The following DOCK10 variants were observed in gnomAD, a reference collection of about 807,000 sequenced individuals.
The protein encoded by DOCK10 is dedicator of cytokinesis protein 10.
Under a neutral mutation model 280.1 loss-of-function variants are expected in DOCK10, and 145 were observed. The observed-to-expected ratio is 0.52, with a 90% CI of 0.45 to 0.59. DOCK10 has a LOEUF of 0.59. Ranked by LOEUF, DOCK10 falls within the 20% of genes least tolerant of loss-of-function variation. The pLI is 0.00. For missense variants in DOCK10, 2,368 were observed against 2,651.7 expected, an observed-to-expected ratio of 0.89 and a Z score of 2.35; for synonymous variants, 915 against 942.2, an observed-to-expected ratio of 0.97 and a Z score of 0.53.
At position 225,035,588 on chromosome 2, in the gene DOCK10, AACACTGAATCAGTGTTAATTGTGTGTTG is replaced by A. The variant is rs1559987156; in HGVS notation, c.123+6636_123+6663del. Among the ~76,000 whole-genome samples, 282 of 112,898 alleles carry A rather than the reference AACACTGAATCAGTGTTAATTGTGTGTTG, an allele frequency of 2.5e-3. 3 individuals are homozygous for A. The highest frequency in any genetic ancestry group is 0.011 in the African/African-American group (264 of 24,748). The allele number at this position is 112,898 out of a possible 152,430, so 74.1% of individuals were successfully genotyped here. ...TATATATATATATATATATATATAT[AACACTGAATCAGTGTTAATTGTGTGTTG>A]TATTAGTCAGTGCGGGCTGCCATAA... On this transcript the variant is annotated intron_variant, in intron 1 of 55. Coordinates refer to ENST00000258390, the MANE Select transcript of DOCK10 (RefSeq NM_014689.3).
At chr2:224,996,940 T>C (rs1024322063) in intron 1 of DOCK10, among the ~76,000 whole-genome samples, 2 of 152,030 alleles carry the variant, frequency 1.3e-5, no homozygotes, top group Non-Finnish European at 2.9e-5. Flanking sequence ...GAGTGAGGAA[T>C]AGCAATTGGA....
chr2:224,929,942 T>A (rs1575074244), intron 2 of DOCK10, among the ~76,000 whole-genome samples: 1 of 152,186 alleles, frequency 6.6e-6, no homozygotes, highest in South Asian at 2.1e-4. Flanking sequence ...GGCTCACCCC[T>A]GTAATCCCAG....
chr2:224,891,317 TC>T (rs199578334), intron 4 of DOCK10, among the ~76,000 whole-genome samples: 66 of 152,296 alleles, frequency 4.3e-4, no homozygotes, highest in African/African-American at 1.4e-3. Context: ...CTGAACTGAT[TC>T]TTTTTTATAG....
chr2:224,812,082 G>T (rs1323194962), intron 31 of DOCK10, among the ~76,000 whole-genome samples: 1 of 151,828 alleles, frequency 6.6e-6, no homozygotes, highest in Non-Finnish European at 1.5e-5. Context: ...TGGGCAGTAT[G>T]GCCATTTTCA....
chr2:224,917,101 CTTTTT>C (rs58223345), intron 2 of DOCK10, among the ~76,000 whole-genome samples: 27 of 95,780 alleles, frequency 2.8e-4, no homozygotes, highest in African/African-American at 1.2e-3. Flanking sequence ...CTATTGGAAT[CTTTTT>C]TTTTTTTTTT....
rs1394815658 is a variant in DOCK10 at position 224,814,365 on chromosome 2, C to G, written c.3365-1G>C. 2.0e-6 allele frequency: 3 copies of G among 1,522,166 alleles called. No homozygotes were observed. The highest frequency in any genetic ancestry group is 2.6e-6 in the Non-Finnish European group (3 of 1,132,456). The allele number at this position is 1,522,166 out of a possible 1,614,324, so 94.3% of individuals were successfully genotyped here. A position where few individuals can be genotyped will look rare whatever the true frequency, so the allele number is the denominator to read the frequency against. On this transcript the variant is annotated splice_acceptor_variant, in intron 30 of 55. Transcript: ENST00000258390. LOFTEE classifies it high-confidence loss of function. ...GTCGATTCTGAAGGTGTCAAAGGAT[C>G]TGAATTTAATATAAATAAAAAGTTC... is the stretch of plus-strand genomic sequence containing the variant.
intron 11 of DOCK10, among the ~76,000 whole-genome samples, chr2:224,873,530 G>C (rs538124481): frequency 6.8e-6 from 1 of 147,604 alleles, no homozygotes; most frequent in Non-Finnish European, 1.5e-5. Flanking sequence ...GCACTGAGCT[G>C]AGGCTGCAGT....
At chr2:225,008,417 A>G (rs1689339558) in intron 1 of DOCK10, among the ~76,000 whole-genome samples, 1 of 152,218 alleles carries the variant, frequency 6.6e-6, no homozygotes, top group Non-Finnish European at 1.5e-5. Flanking sequence ...CTGACTTTGT[A>G]AGAATATTCA....
intron 1 of DOCK10, among the ~76,000 whole-genome samples, chr2:225,037,371 T>C (rs755528097): frequency 1.3e-5 from 2 of 152,204 alleles, no homozygotes; most frequent in Non-Finnish European, 2.9e-5. Flanking sequence ...ACAGGTACTC[T>C]GAAGCACTAG....
At chr2:224,873,014 C>G (rs910884140) in intron 11 of DOCK10, among the ~76,000 whole-genome samples, 1 of 152,164 alleles carries the variant, frequency 6.6e-6, no homozygotes, top group African/African-American at 2.4e-5. Flanking sequence ...CATTAACAAT[C>G]TAGTGGGACT....
intron 42 of DOCK10, 52 bp from the exon 43 acceptor site, chr2:224,797,198 T>C: frequency 1.5e-6 from 2 of 1,345,528 alleles, no homozygotes; most frequent in Non-Finnish European, 1.0e-6. Context: ...CATTTTGCTC[T>C]GTTCATTCTC....
chr2:224,951,696 T>C (rs1703737632), intron 1 of DOCK10, among the ~76,000 whole-genome samples: 1 of 152,214 alleles, frequency 6.6e-6, no homozygotes, highest in Non-Finnish European at 1.5e-5. Flanking sequence ...CTGCATTCAG[T>C]GCGGCTCAGC....
intron 2 of DOCK10, among the ~76,000 whole-genome samples, chr2:224,918,816 A>G (rs1701493611): frequency 1.2e-5 from 1 of 84,794 alleles, no homozygotes; most frequent in Non-Finnish European, 2.8e-5. Context: ...GTGTGGTGTG[A>G]GTGTATGTGT....
chr2:225,004,660 G>A (rs1706522958), intron 1 of DOCK10, among the ~76,000 whole-genome samples: 1 of 152,218 alleles, frequency 6.6e-6, no homozygotes, highest in African/African-American at 2.4e-5. Context: ...AAGCACCTGT[G>A]CTCTAGGCAT....
At chr2:224,889,590 C>T (rs1426323496) in intron 4 of DOCK10, among the ~76,000 whole-genome samples, 1 of 152,150 alleles carries the variant, frequency 6.6e-6, no homozygotes, top group Non-Finnish European at 1.5e-5. Flanking sequence ...CTTGTAGAGT[C>T]TTAGAGATAG....
chr2:224,845,278 A>C lies in DOCK10; in HGVS notation c.2406T>G (p.Ser802=). ...TTGCTATTGGGATGTTGTACTCTTG[A>C]GAAGCTATCTGATCGTGTTTCATCA... The part of the protein sequence containing the change: ...LPLMKHDQIA[S]QEYNIPIATS... The change falls in exon 21 of 56, where the codon TCT becomes TCG. Residue 802 remains serine, a synonymous_variant. Transcript: ENST00000258390. 1 of 1,589,864 alleles carries C rather than the reference A, an allele frequency of 6.3e-7. No homozygotes were observed. The highest frequency in any genetic ancestry group is 8.6e-7 in the Non-Finnish European group (1 of 1,166,634).
intron 3 of DOCK10, among the ~76,000 whole-genome samples, chr2:224,902,452 A>G (rs1700352273): frequency 6.6e-6 from 1 of 152,206 alleles, no homozygotes; most frequent in African/African-American, 2.4e-5. Context: ...GCCGTTCTTT[A>G]TAAAGTTGAG....
chr2:224,903,647 T>C (rs1259241616), intron 3 of DOCK10, among the ~76,000 whole-genome samples: 1 of 152,096 alleles, frequency 6.6e-6, no homozygotes, highest in African/African-American at 2.4e-5. Flanking sequence ...ATCATTGCTC[T>C]CATGTAAGGC....
At chr2:224,901,817 T>C (rs1173087843) in intron 3 of DOCK10, among the ~76,000 whole-genome samples, 2 of 152,252 alleles carry the variant, frequency 1.3e-5, no homozygotes, top group Non-Finnish European at 2.9e-5. Context: ...TGTCTGACCA[T>C]GAACGGAGAG....
Sources: gnomAD v4.1 joint callset for allele counts (sites outside exome capture counted in the v4.1 genomes callset) on GRCh38, gnomAD v4.1.1 for gene constraint, MANE v1.5 for transcripts, NCBI Gene and HGNC (gene_info 2026-07-23, HGNC 2026-07-21) for gene names.